The following SEMA5A variants were observed in gnomAD, a reference collection of about 807,000 sequenced individuals.
The protein encoded by SEMA5A is semaphorin 5A, also known as semaphorin-5A.
In SEMA5A, 55 loss-of-function variants were observed where a neutral mutation model predicts 135.5. That is an observed-to-expected ratio of 0.41 (90% confidence interval 0.33 to 0.51). The LOEUF is 0.51. Among genes scored for constraint, SEMA5A ranks in the 20% least tolerant of loss-of-function variants. The pLI, the probability that SEMA5A is intolerant of heterozygous loss-of-function variation, is 0.37. For missense variants in SEMA5A, 1,290 were observed against 1,419.9 expected (o/e 0.91, Z 1.47); for synonymous variants, 580 against 546.5 (o/e 1.06, Z -0.85).
At chr5:9,128,976 T>C (rs1442829363) in intron 13 of SEMA5A, among the ~76,000 whole-genome samples, 1 of 152,190 alleles carries the variant, frequency 6.6e-6, no homozygotes, top group South Asian at 2.1e-4. Context: ...CTAAATGACC[T>C]TGGGGGCAAC....
intron 18 of SEMA5A, among the ~76,000 whole-genome samples, chr5:9,056,160 A>G: frequency 6.6e-6 from 1 of 152,214 alleles, no homozygotes; most frequent in Non-Finnish European, 1.5e-5. Context: ...TGTGTTCTGT[A>G]GATCCCTGGC....
At chr5:9,541,227 A>G (rs998084288) in intron 1 of SEMA5A, among the ~76,000 whole-genome samples, 2 of 152,232 alleles carry the variant, frequency 1.3e-5, no homozygotes, top group Admixed American at 1.3e-4. Flanking sequence ...TTCTGATAGA[A>G]TCACTCTACT....
rs150147893 is a variant in SEMA5A, at chr5:9,357,314, A to T, written c.125-19502T>A. On this transcript the variant is annotated intron_variant, in intron 3 of 22. Coordinates refer to ENST00000382496, the MANE Select transcript of SEMA5A (RefSeq NM_003966.3). ...AAGGATGTGTAGTCCTTGCTTAGGAATATGAAAGGGGAAAACTGCAGTGCA... is the reference window on the plus strand; with the variant it reads ...AAGGATGTGTAGTCCTTGCTTAGGATTATGAAAGGGGAAAACTGCAGTGCA... Among the ~76,000 whole-genome samples the T allele has an allele frequency of 3.4e-3, 514 of 152,326 alleles. 3 individuals are homozygous for T. The highest frequency in any genetic ancestry group is 0.012 in the African/African-American group (501 of 41,566).
At chr5:9,340,871 C>T (rs1365976601) in intron 3 of SEMA5A, among the ~76,000 whole-genome samples, 1 of 152,076 alleles carries the variant, frequency 6.6e-6, no homozygotes, top group Non-Finnish European at 1.5e-5. Context: ...TAAAAAGAAG[C>T]CTGCACCAAT....
intron 13 of SEMA5A, among the ~76,000 whole-genome samples, chr5:9,124,396 A>G (rs561074659): frequency 6.6e-6 from 1 of 152,302 alleles, no homozygotes; most frequent in South Asian, 2.1e-4. Context: ...CCCAGAAACC[A>G]GCAAACAGAG....
chr5:9,118,449 A>T (rs1387742879), intron 15 of SEMA5A, among the ~76,000 whole-genome samples: 1 of 152,342 alleles, frequency 6.6e-6, no homozygotes, highest in East Asian at 1.9e-4. Flanking sequence ...AAATGTTGCC[A>T]TGATGTGCTG....
intron 1 of SEMA5A, among the ~76,000 whole-genome samples, chr5:9,462,847 C>T (rs937975451): frequency 1.3e-5 from 2 of 151,838 alleles, no homozygotes; most frequent in African/African-American, 2.4e-5. Flanking sequence ...GGAAAGGAGA[C>T]AGGGGATCTG....
chr5:9,443,042 C>T (rs533656703), intron 1 of SEMA5A, among the ~76,000 whole-genome samples: 14 of 152,162 alleles, frequency 9.2e-5, no homozygotes, highest in Non-Finnish European at 2.1e-4. Flanking sequence ...GATAATGAAA[C>T]GCCATTCACT....
At chr5:9,393,191 C>T (rs912978041) in intron 2 of SEMA5A, among the ~76,000 whole-genome samples, 1 of 152,134 alleles carries the variant, frequency 6.6e-6, no homozygotes, top group Non-Finnish European at 1.5e-5. Context: ...ATATTAAAAC[C>T]TATGTGATGG....
intron 1 of SEMA5A, among the ~76,000 whole-genome samples, chr5:9,499,997 A>C (rs1735498314): frequency 6.6e-6 from 1 of 152,204 alleles, no homozygotes; most frequent in Non-Finnish European, 1.5e-5. Flanking sequence ...AACAATAAGA[A>C]AATATATGAG....
At chr5:9,314,910 G>A (rs941859125) in intron 5 of SEMA5A, among the ~76,000 whole-genome samples, 2 of 152,086 alleles carry the variant, frequency 1.3e-5, no homozygotes, top group Non-Finnish European at 2.9e-5. Flanking sequence ...TGCTATGTCA[G>A]TAGACTAAGC....
intron 11 of SEMA5A, among the ~76,000 whole-genome samples, chr5:9,168,767 G>C (rs566384166): frequency 5.1e-4 from 78 of 152,278 alleles, no homozygotes; most frequent in Middle Eastern, 3.4e-3. Context: ...ACAGCACCCA[G>C]CTTACAAGAG....
chr5:9,498,702 A>T (rs1398336), intron 1 of SEMA5A: 33,142 of 151,700 alleles, frequency 0.22, 3,690 homozygotes, highest in East Asian at 0.34. Flanking sequence ...TTTGTTTCCC[A>T]TGAGCACGTT....
intron 9 of SEMA5A, among the ~76,000 whole-genome samples, chr5:9,201,295 G>A (rs1745690167): frequency 1.3e-5 from 2 of 152,174 alleles, no homozygotes; most frequent in African/African-American, 4.8e-5. Context: ...TAGATTAAGA[G>A]TGAAAGAGAT....
chr5:9,401,278 T>C (rs1756650467), intron 2 of SEMA5A, among the ~76,000 whole-genome samples: 1 of 152,224 alleles, frequency 6.6e-6, no homozygotes, highest in Admixed American at 6.5e-5. Flanking sequence ...TCTTCCACTA[T>C]GTATCACAAG....
rs556215307 is a variant in SEMA5A, at chr5:9,098,310, C to A, written c.2073+9830G>T. ...CAAGCAACACTACTCCAGGAGACTACTGTCTTTTAATTTCAGTAGCAAGTG... is the reference window on the plus strand; with the variant it reads ...CAAGCAACACTACTCCAGGAGACTAATGTCTTTTAATTTCAGTAGCAAGTG... On this transcript the variant is annotated intron_variant, in intron 16 of 22. Transcript: ENST00000382496. Among the ~76,000 whole-genome samples the A allele has an allele frequency of 3.5e-4, 54 of 152,158 alleles. 1 individual carries two copies. Among genetic ancestry groups the A allele is most frequent in the African/African-American group, 1.1e-3 (44 of 41,550 alleles).
At chr5:9,282,366 T>C (rs946658114) in intron 5 of SEMA5A, among the ~76,000 whole-genome samples, 1 of 152,110 alleles carries the variant, frequency 6.6e-6, no homozygotes, top group Non-Finnish European at 1.5e-5. Context: ...CCTGTGAACA[T>C]GGGTATGGGC....
intron 16 of SEMA5A, among the ~76,000 whole-genome samples, chr5:9,094,652 A>G (rs968027170): frequency 1.3e-5 from 2 of 152,232 alleles, no homozygotes; most frequent in Non-Finnish European, 2.9e-5. Context: ...TTTATAAGAC[A>G]GATTTCACAG....
At chr5:9,462,459 A>G (rs1759092726) in intron 1 of SEMA5A, among the ~76,000 whole-genome samples, 1 of 152,208 alleles carries the variant, frequency 6.6e-6, no homozygotes, top group Non-Finnish European at 1.5e-5. Context: ...TCAACTCAGC[A>G]ATCCCATTAA....
Sources: allele counts gnomAD v4.1 joint callset (sites outside exome capture counted in the v4.1 genomes callset), GRCh38; gene constraint gnomAD v4.1.1; transcripts MANE v1.5; gene names NCBI Gene and HGNC (gene_info 2026-07-23, HGNC 2026-07-21).